Variants in PPP1R14C observed in about 807,000 individuals in gnomAD.
The protein encoded by PPP1R14C is protein phosphatase 1 regulatory inhibitor subunit 14C.
A neutral mutation model predicts 20.4 loss-of-function variants in PPP1R14C; 16 were observed. The ratio of observed to expected loss-of-function variants is 0.78; its 90% CI spans 0.53 to 1.19. PPP1R14C has a LOEUF of 1.19. Ranked by LOEUF, PPP1R14C falls within the 50% of genes most tolerant of loss-of-function variation. PPP1R14C has a pLI of 0.00. For missense variants in PPP1R14C, 211 were observed against 220.1 expected (o/e 0.96, Z 0.26); for synonymous variants, 91 against 91.0 (o/e 1.00, Z 0.00).
chr6:150,211,099 T>C (rs1778019447), intron 1 of PPP1R14C, among the ~76,000 whole-genome samples: 1 of 152,080 alleles, frequency 6.6e-6, no homozygotes, highest in African/African-American at 2.4e-5. Flanking sequence ...GCAACTTCCC[T>C]GCCTGCCCCT....
chr6:150,239,419 GA>G (rs1344051193), intron 3 of PPP1R14C, among the ~76,000 whole-genome samples: 1 of 152,178 alleles, frequency 6.6e-6, no homozygotes, highest in Non-Finnish European at 1.5e-5. Context: ...ATAAGTAACA[GA>G]AAGATTATCT....
chr6:150,175,220 G>A (rs1777548591), intron 1 of PPP1R14C, among the ~76,000 whole-genome samples: 1 of 152,212 alleles, frequency 6.6e-6, no homozygotes, highest in South Asian at 2.1e-4. Context: ...GCTATTTCTG[G>A]TCCCATTGTA....
chr6:150,160,369 A>G (rs35096292), intron 1 of PPP1R14C, among the ~76,000 whole-genome samples: 23,185 of 143,834 alleles, frequency 0.16, 2,413 homozygotes, highest in East Asian at 0.54. Flanking sequence ...GGTTCACGCC[A>G]TTCTCCTGCT....
At chr6:150,156,731 A>G (rs1777309966) in intron 1 of PPP1R14C, among the ~76,000 whole-genome samples, 2 of 152,236 alleles carry the variant, frequency 1.3e-5, no homozygotes, top group African/African-American at 4.8e-5. Flanking sequence ...GCTTGCTATA[A>G]TGAAAGCACC....
At chr6:150,178,800 A>T (rs1213971016) in intron 1 of PPP1R14C, among the ~76,000 whole-genome samples, 1 of 152,166 alleles carries the variant, frequency 6.6e-6, no homozygotes, top group African/African-American at 2.4e-5. Context: ...TGAAATAGGG[A>T]AACATCTAGG....
chr6:150,148,589 C>T (rs778629491), intron 1 of PPP1R14C, among the ~76,000 whole-genome samples: 10 of 152,186 alleles, frequency 6.6e-5, no homozygotes, highest in South Asian at 2.1e-4. Context: ...TACAGTATCA[C>T]ATCAGCCGGC....
At chr6:150,213,905 G>A (rs1449938371) in intron 1 of PPP1R14C, among the ~76,000 whole-genome samples, 1 of 152,214 alleles carries the variant, frequency 6.6e-6, no homozygotes, top group East Asian at 1.9e-4. Context: ...GGCTTCAGAG[G>A]TGGTTTGACA....
chr6:150,199,961 A>C (rs915033817), intron 1 of PPP1R14C, among the ~76,000 whole-genome samples: 1 of 152,144 alleles, frequency 6.6e-6, no homozygotes, highest in African/African-American at 2.4e-5. Flanking sequence ...ACGCTCTGGA[A>C]ATGGATTTTC....
At chr6:150,183,513 C>T (rs374246882) in intron 1 of PPP1R14C, among the ~76,000 whole-genome samples, 2 of 151,960 alleles carry the variant, frequency 1.3e-5, no homozygotes, top group East Asian at 3.9e-4. Context: ...CAAACTGGGA[C>T]ATTTCTTTTT....
At chr6:150,167,102 C>T (rs991545772) in intron 1 of PPP1R14C, among the ~76,000 whole-genome samples, 5 of 152,170 alleles carry the variant, frequency 3.3e-5, no homozygotes, top group Admixed American at 2.0e-4. Flanking sequence ...CGCGGTGGCT[C>T]ACGCCTGTAA....
rs528676546 is a variant in PPP1R14C at position 150,143,785 on chromosome 6, A to G, written c.306+287A>G. 6.6e-6 allele frequency among the ~76,000 whole-genome samples: 1 copy of G among 151,668 alleles called. No homozygotes were observed. The highest frequency in any genetic ancestry group is 1.5e-5 in the Non-Finnish European group (1 of 67,932). ...CCGCGGAGCACAGTGCTTTTCTCCGAGCTCCGGGCGCCTCTGGGCTCCAGC... is the reference window on the plus strand; with the variant it reads ...CCGCGGAGCACAGTGCTTTTCTCCGGGCTCCGGGCGCCTCTGGGCTCCAGC... On this transcript the variant is annotated intron_variant, in intron 1 of 3. Coordinates refer to ENST00000361131, the MANE Select transcript of PPP1R14C (RefSeq NM_030949.3). The surrounding 1 kb of genome is among the most constrained non-coding windows in gnomAD (Gnocchi z 5.6).
rs1288682233 is a variant in PPP1R14C, at chr6:150,143,081, A to G, written c.-112A>G. The G allele has an allele frequency of 9.0e-7, 1 of 1,108,496 alleles. No homozygotes were observed. Among genetic ancestry groups the G allele is most frequent in the Non-Finnish European group, 1.1e-6 (1 of 914,058 alleles). The allele number at this position is 1,108,496 out of a possible 1,614,324, so 68.7% of individuals were successfully genotyped here. ...CGGCTGGGCGCGCGCGGCGCAGAGC[A>G]GGTGCCGGGGAGCCCTTCGCATGCG... On this transcript the variant is annotated 5_prime_UTR_variant, in exon 1 of 4. Coordinates refer to ENST00000361131, the MANE Select transcript of PPP1R14C (RefSeq NM_030949.3). This position sits in a 1 kb window ranked among gnomAD's most constrained non-coding sequence, Gnocchi z 5.6.
chr6:150,143,546 T>C lies in PPP1R14C; in HGVS notation c.306+48T>C, dbSNP rs1369928582. 2.3e-6 allele frequency: 3 copies of C among 1,317,652 alleles called. No individual in the cohort carries two copies. The African/African-American group carries it at 4.6e-5, about 20-fold the overall frequency. The allele number at this position is 1,317,652 out of a possible 1,614,324, so 81.6% of individuals were successfully genotyped here. On this transcript the variant is annotated intron_variant, in intron 1 of 3. Coordinates refer to ENST00000361131, the MANE Select transcript of PPP1R14C (RefSeq NM_030949.3). This position sits in a 1 kb window ranked among gnomAD's most constrained non-coding sequence, Gnocchi z 5.6. Reference sequence around the variant, plus strand: ...GGGTCGGGGACCTCTCTAGCTCCTCTGTGCCCGCGCAGTAATTTTCCCGGG... The same window carrying C: ...GGGTCGGGGACCTCTCTAGCTCCTCCGTGCCCGCGCAGTAATTTTCCCGGG...
intron 1 of PPP1R14C, among the ~76,000 whole-genome samples, chr6:150,180,005 C>A (rs1361945075): frequency 6.6e-6 from 1 of 152,126 alleles, no homozygotes; most frequent in East Asian, 1.9e-4. Flanking sequence ...AGTTTGAGAC[C>A]AGCCTGGCCA....
intron 1 of PPP1R14C, among the ~76,000 whole-genome samples, chr6:150,196,950 CA>C (rs1777812069): frequency 6.6e-6 from 1 of 152,204 alleles, no homozygotes; most frequent in Non-Finnish European, 1.5e-5. Flanking sequence ...TAATCAGTGC[CA>C]ATGGCATTTG....
In PPP1R14C at chr6:150,231,310, A is replaced by G. The variant is rs563147713; in HGVS notation, c.423+14454A>G. Among the ~76,000 whole-genome samples, 4 of 152,210 alleles carry G rather than the reference A, an allele frequency of 2.6e-5. No individual in the cohort carries two copies. The East Asian group carries it at 7.7e-4, about 29-fold the overall frequency. ...TGCTTGTCTTTCTATTGCCTCTTCG[A>G]TGTCTCCTCTGTATTAGTATGTGTG... On this transcript the variant is annotated intron_variant, in intron 3 of 3. Transcript: ENST00000361131.
At chr6:150,213,994 A>C (rs1778058923) in intron 1 of PPP1R14C, among the ~76,000 whole-genome samples, 1 of 152,222 alleles carries the variant, frequency 6.6e-6, no homozygotes, top group Non-Finnish European at 1.5e-5. Context: ...AGCCTCATCC[A>C]AAACAGCCTT....
At chr6:150,242,290 C>G (rs894222013) in intron 3 of PPP1R14C, among the ~76,000 whole-genome samples, 3 of 65,802 alleles carry the variant, frequency 4.6e-5, no homozygotes, top group African/African-American at 3.5e-4. Flanking sequence ...GCTGGCAATA[C>G]CCTGATACTA....
chr6:150,244,724 T>C (rs999383755), intron 3 of PPP1R14C, among the ~76,000 whole-genome samples: 23 of 152,354 alleles, frequency 1.5e-4, no homozygotes, highest in African/African-American at 5.3e-4. Flanking sequence ...GGCTACCGTA[T>C]TGAATAGTCC....
Sources: allele counts gnomAD v4.1 joint callset (sites outside exome capture counted in the v4.1 genomes callset), GRCh38; gene constraint gnomAD v4.1.1; non-coding constraint Gnocchi (gnomAD v3.1); transcripts MANE v1.5; gene names NCBI Gene and HGNC (gene_info 2026-07-23, HGNC 2026-07-21).